Variants in SLC35F5 observed in about 807,000 individuals in gnomAD.
SLC35F5 encodes solute carrier family 35 member F5.
Under a neutral mutation model 68.6 loss-of-function variants are expected in SLC35F5, and 54 were observed. The observed-to-expected ratio is 0.79, with a 90% confidence interval of 0.63 to 0.99. The LOEUF is 0.99. Among genes scored for constraint, SLC35F5 ranks in the 50% least tolerant of loss-of-function variants. SLC35F5 has a pLI of 0.00. For missense variants in SLC35F5, 567 were observed against 626.9 expected (o/e 0.90, Z 1.02); for synonymous variants, 211 against 205.2 (o/e 1.03, Z -0.24).
rs986565474 is a variant in SLC35F5, at chr2:113,708,159, T to G, written c.*7059A>C. On this transcript the variant is annotated 3_prime_UTR_variant, in exon 16 of 16. Coordinates refer to ENST00000245680, the MANE Select transcript of SLC35F5 (RefSeq NM_025181.5). ...GACCATTCTGGATGAATGCAAATGC[T>G]TGATTCAATTTTCCCAAATCCCAAT... 6.6e-6 allele frequency among the ~76,000 whole-genome samples: 1 copy of G among 152,216 alleles called. No individual in the cohort carries two copies. The highest frequency in any genetic ancestry group is 2.4e-5 in the African/African-American group (1 of 41,456).
At position 113,717,891 on chromosome 2, in the gene SLC35F5, G is replaced by A. The variant is rs1162855321; in HGVS notation, c.1497-41C>T. On this transcript the variant is annotated intron_variant, in intron 14 of 15. Transcript: ENST00000245680. ...AGCAGTAATTAAGGAAAGCTTTAGA[G>A]CTGAAAAGGAACCTCAAACCTTATT... 4 of 1,442,016 alleles carry A rather than the reference G, an allele frequency of 2.8e-6. No homozygotes were observed. The Admixed American group carries it at 5.4e-5, about 20-fold the overall frequency. The allele number at this position is 1,442,016 out of a possible 1,614,324, so 89.3% of individuals were successfully genotyped here. A position where few individuals can be genotyped will look rare whatever the true frequency, so the allele number is the denominator to read the frequency against.
intron 7 of SLC35F5, among the ~76,000 whole-genome samples, chr2:113,736,659 A>C (rs1314887884): frequency 6.6e-6 from 1 of 152,196 alleles, no homozygotes; most frequent in African/African-American, 2.4e-5. Context: ...GGAAATTTAG[A>C]AATGTCCTAT....
At chr2:113,753,176 T>TC (rs1676823461) in intron 3 of SLC35F5, among the ~76,000 whole-genome samples, 5 of 116,442 alleles carry the variant, frequency 4.3e-5, no homozygotes, top group African/African-American at 1.5e-4. Context: ...TTCTTTTTTT[T>TC]TTTTTTTTTT....
At chr2:113,740,365 A>C (rs192397073) in intron 7 of SLC35F5, among the ~76,000 whole-genome samples, 1 of 152,240 alleles carries the variant, frequency 6.6e-6, no homozygotes, top group Non-Finnish European at 1.5e-5. Context: ...AAAAGGAACT[A>C]TCTCTCTTCC....
At chr2:113,744,470 G>A (rs573957817) in intron 5 of SLC35F5, among the ~76,000 whole-genome samples, 15 of 152,154 alleles carry the variant, frequency 9.9e-5, no homozygotes, top group South Asian at 4.2e-4. Flanking sequence ...GAATATGGCC[G>A]GCACAGTGGT....
chr2:113,743,313 G>A (rs1223204853), intron 6 of SLC35F5, among the ~76,000 whole-genome samples: 2 of 152,074 alleles, frequency 1.3e-5, no homozygotes, highest in African/African-American at 4.8e-5. Flanking sequence ...GGGAAATTAA[G>A]GATAAATACT....
chr2:113,725,709 AG>A (rs923368377), intron 11 of SLC35F5, 172 bp from the exon 12 acceptor site: 496 of 452,954 alleles, frequency 1.1e-3, no homozygotes, highest in Middle Eastern at 3.1e-3. Context: ...TCAACGCCAT[AG>A]AAAAAAAAAC....
At chr2:113,755,880 T>G (rs1676964374) in intron 1 of SLC35F5, 1 of 1,550,692 alleles carries the variant, frequency 6.4e-7, no homozygotes, top group Non-Finnish European at 8.7e-7. Flanking sequence ...AATCCATCCC[T>G]GGGGACAGCG....
intron 10 of SLC35F5, among the ~76,000 whole-genome samples, chr2:113,731,218 A>G (rs1687872024): frequency 6.6e-6 from 1 of 152,204 alleles, no homozygotes; most frequent in Admixed American, 6.5e-5. Flanking sequence ...CTGCATTTAA[A>G]GGAAACTAAG....
At chr2:113,723,360 T>TAA (rs1687530186) in intron 12 of SLC35F5, among the ~76,000 whole-genome samples, 166 bp from the exon 13 acceptor site, 1 of 73,258 alleles carries the variant, frequency 1.4e-5, no homozygotes, top group Admixed American at 1.1e-4. Context: ...AAGATGATTC[T>TAA]CAGTTTTTCT....
intron 4 of SLC35F5, among the ~76,000 whole-genome samples, chr2:113,746,725 G>A (rs967363089): frequency 7.9e-5 from 12 of 152,104 alleles, no homozygotes; most frequent in African/African-American, 1.4e-4. Context: ...AGGAGTTCAA[G>A]ACTAGCCTGA....
intron 10 of SLC35F5, 21 bp from the exon 11 acceptor site, chr2:113,729,526 T>C: frequency 6.7e-6 from 9 of 1,334,880 alleles, no homozygotes; most frequent in South Asian, 1.2e-5. Context: ...GGACATGATT[T>C]AAAGCAATCA....
At chr2:113,738,436 T>C (rs1688170714) in intron 7 of SLC35F5, among the ~76,000 whole-genome samples, 1 of 152,142 alleles carries the variant, frequency 6.6e-6, no homozygotes, top group South Asian at 2.1e-4. Context: ...TCCTTCTTTT[T>C]AGAGCTGAAT....
Position 113,715,042 on chromosome 2 carries a change from C to T in SLC35F5, c.*176G>A, listed in dbSNP as rs907848738. On this transcript the variant is annotated 3_prime_UTR_variant, in exon 16 of 16. Transcript: ENST00000245680. ...ATGTACACAGCTACATAGCAAAGTG[C>T]TTCATTATGAAAATGAAGAAAACAG... 3.3e-5 allele frequency: 5 copies of T among 152,530 alleles called. No homozygotes were observed. The highest frequency in any genetic ancestry group is 4.8e-5 in the African/African-American group (2 of 41,438). 9.4% of individuals were successfully genotyped at this position (152,530 alleles called of 1,614,324 possible). A position where few individuals can be genotyped will look rare whatever the true frequency, so the allele number is the denominator to read the frequency against.
rs544736688 is a variant in SLC35F5 at position 113,756,627 on chromosome 2, G to A, written c.-218C>T. On this transcript the variant is annotated 5_prime_UTR_variant, in exon 1 of 16. Transcript: ENST00000245680. Reference sequence around the variant, plus strand: ...GGACGGCACAGTCAGCTATGGCCGCGGAGGCCCGGAGATCTGCTCTGGCCC... The same window carrying A: ...GGACGGCACAGTCAGCTATGGCCGCAGAGGCCCGGAGATCTGCTCTGGCCC... 22 of 1,274,458 alleles carry A rather than the reference G, an allele frequency of 1.7e-5. No homozygotes were observed. Among genetic ancestry groups the A allele is most frequent in the Non-Finnish European group, 2.2e-5 (21 of 969,188 alleles). The allele number at this position is 1,274,458 out of a possible 1,614,324, so 78.9% of individuals were successfully genotyped here.
At chr2:113,722,068 G>A (rs755096154) in intron 13 of SLC35F5, among the ~76,000 whole-genome samples, 10 of 142,554 alleles carry the variant, frequency 7.0e-5, no homozygotes, top group Non-Finnish European at 1.1e-4. Context: ...TCCGCCTCCC[G>A]GGTTCAAGTG....
rs771751847 is a variant in SLC35F5 at position 113,731,657 on chromosome 2, A to G, written c.921-9T>C. On this transcript the variant is annotated splice_polypyrimidine_tract_variant and intron_variant, in intron 9 of 15. Coordinates refer to ENST00000245680, the MANE Select transcript of SLC35F5 (RefSeq NM_025181.5). Reference sequence around the variant, plus strand: ...GTACAACGCCTCCAATGCTATGAGAATAACAGTCATTAATGATGAGCTAAA... The same window carrying G: ...GTACAACGCCTCCAATGCTATGAGAGTAACAGTCATTAATGATGAGCTAAA... 4.3e-5 allele frequency: 69 copies of G among 1,609,056 alleles called. No individual in the cohort carries two copies. The South Asian group carries it at 6.7e-4, about 16-fold the overall frequency.
chr2:113,742,747 A>G lies in SLC35F5; in HGVS notation c.695T>C (p.Val232Ala), dbSNP rs748530443. The G allele has an allele frequency of 2.5e-6, 4 of 1,614,060 alleles. No individual in the cohort carries two copies. In the East Asian group the frequency reaches 8.9e-5, roughly 36 times the overall value. ...TACTTGAGTTGCAGTAAGTTTCCCC[A>G]CAGTTTTCAGTATGGATTCTTGTTC... ...VKEQESILKTVGKLTATQVAK... is the reference protein window; with the variant it reads ...VKEQESILKTAGKLTATQVAK... The change falls in exon 7 of 16, where the codon GTG (valine) becomes GCG (alanine). Residue 232 changes from valine (V) to alanine (A), a missense_variant. Transcript: ENST00000245680.
rs903061706 is a variant in SLC35F5 at position 113,711,587 on chromosome 2, G to A, written c.*3631C>T. ...CTCAATTTATCTAAATGGGATTTGG[G>A]GGACACGGCAGACTATTAAAATAGA... On this transcript the variant is annotated 3_prime_UTR_variant, in exon 16 of 16. Coordinates refer to ENST00000245680, the MANE Select transcript of SLC35F5 (RefSeq NM_025181.5). Among the ~76,000 whole-genome samples the A allele has an allele frequency of 6.6e-6, 1 of 152,176 alleles. No individual in the cohort carries two copies. Among genetic ancestry groups the A allele is most frequent in the Middle Eastern group, 3.4e-3 (1 of 294 alleles).
Sources: allele counts gnomAD v4.1 joint callset (sites outside exome capture counted in the v4.1 genomes callset), GRCh38; gene constraint gnomAD v4.1.1; transcripts MANE v1.5; gene names NCBI Gene and HGNC (gene_info 2026-07-23, HGNC 2026-07-21).